CCRL2: variants seen among roughly 807,000 people sequenced by gnomAD.
CCRL2 encodes C-C chemokine receptor-like 2.
For synonymous variants in CCRL2, 181 were observed against 165.6 expected, an observed-to-expected ratio of 1.09 and a Z score of -0.71; for missense variants, 451 against 412.4, an observed-to-expected ratio of 1.09 and a Z score of -0.81.
chr3:46,407,903 C>T lies in CCRL2; in HGVS notation c.-12-165C>T, dbSNP rs1057411320. 26 of 676,456 alleles carry T rather than the reference C, an allele frequency of 3.8e-5. No homozygotes were observed. In the East Asian group the frequency reaches 6.0e-4, roughly 16 times the overall value. 41.9% of individuals were successfully genotyped at this position (676,456 alleles called of 1,614,324 possible). On this transcript the variant is annotated intron_variant, in intron 1 of 1. Transcript: ENST00000399036. ...GTGCTGCTCTGGGGAAGTGGGCACA[C>T]GTTAAAGAAATGTTTATTTCAGTCT...
At position 46,408,832 on chromosome 3, in the gene CCRL2, G is replaced by A. The variant is rs1415965485; in HGVS notation, c.753G>A (p.Trp251Ter). ...TAATGGTAGTCTTCCTTCTGATGTGGGCGCCCTACAATATTGCATTTTTCC... is the reference window on the plus strand; with the variant it reads ...TAATGGTAGTCTTCCTTCTGATGTGAGCGCCCTACAATATTGCATTTTTCC... ...FAIMVVFLLM[W>*]APYNIAFFLS... The change falls in exon 2 of 2, where the codon TGG becomes TGA. Residue 251 changes from tryptophan (W) to a stop codon, truncating the protein, a stop_gained. Transcript: ENST00000399036. LOFTEE classifies it low-confidence loss of function (END_TRUNC). The A allele has an allele frequency of 5.0e-6, 8 of 1,613,974 alleles. No homozygotes were observed. The highest frequency in any genetic ancestry group is 6.8e-6 in the Non-Finnish European group (8 of 1,180,038).
chr3:46,408,028 C>T (rs1559579237), intron 1 of CCRL2, 40 bp from the exon 2 acceptor site: 1 of 1,430,292 alleles, frequency 7.0e-7, no homozygotes, highest in East Asian at 2.5e-5. Context: ...CAGGATAAGG[C>T]AGCTGTCGGA....
Position 46,408,879 on chromosome 3 carries a change from T to C in CCRL2, c.800T>C (p.Phe267Ser). The C allele has an allele frequency of 6.2e-7, 1 of 1,614,124 alleles. No individual in the cohort carries two copies. The highest frequency in any genetic ancestry group is 2.2e-5 in the East Asian group (1 of 44,882). The change falls in exon 2 of 2, where the codon TTC (phenylalanine) becomes TCC (serine). Residue 267 changes from phenylalanine to serine, a missense_variant. Transcript: ENST00000399036. ...AFFLSTFKEHFSLSDCKSSYN... is the reference protein window; with the variant it reads ...AFFLSTFKEHSSLSDCKSSYN... Reference sequence around the variant, plus strand: ...TTCCTGTCCACTTTCAAAGAACACTTCTCCCTGAGTGACTGCAAGAGCAGC... The same window carrying C: ...TTCCTGTCCACTTTCAAAGAACACTCCTCCCTGAGTGACTGCAAGAGCAGC...
Position 46,408,096 on chromosome 3 carries a change from T to C in CCRL2, c.17T>C (p.Leu6Pro). Residue 6 changes from leucine (L) to proline (P), a missense_variant, in exon 2 of 2, where the codon CTG becomes CCG. Leu to Pro is a moderately conservative substitution (Grantham distance 98, BLOSUM62 -3). Coordinates refer to ENST00000399036, the MANE Select transcript of CCRL2 (RefSeq NM_003965.5). The part of the protein sequence containing the change: MANYT[L>P]APEDEYDVLI... ...AGTCTGAAGATGGCCAATTACACGC[T>C]GGCACCAGAGGATGAATATGATGTC... The C allele has an allele frequency of 1.3e-6, 2 of 1,582,196 alleles. No homozygotes were observed. Among genetic ancestry groups the C allele is most frequent in the South Asian group, 1.1e-5 (1 of 88,442 alleles).
chr3:46,408,972 T>C lies in CCRL2; in HGVS notation c.893T>C (p.Leu298Pro). ...ACCACCCACTGCTGCATCAACCCTC[T>C]CCTGTATGCGTTTCTTGATGGGACA... ...IATTHCCINP[L>P]LYAFLDGTFS... Residue 298 changes from leucine to proline, a missense_variant, in exon 2 of 2, where the codon CTC becomes CCC. Transcript: ENST00000399036. The C allele has an allele frequency of 1.9e-6, 3 of 1,614,142 alleles. No homozygotes were observed. The highest frequency in any genetic ancestry group is 2.5e-6 in the Non-Finnish European group (3 of 1,180,026).
At position 46,409,335 on chromosome 3, in the gene CCRL2, G is replaced by A. The variant is rs148284360; in HGVS notation, c.*221G>A. The A allele has an allele frequency of 2.6e-3, 1,464 of 555,278 alleles. 3 individuals are homozygous for A. The highest frequency in any genetic ancestry group is 3.6e-3 in the Admixed American group (103 of 28,358). The allele number at this position is 555,278 out of a possible 1,614,324, so 34.4% of individuals were successfully genotyped here. A position where few individuals can be genotyped will look rare whatever the true frequency, so the allele number is the denominator to read the frequency against. ...CTACCACTTGTCCATAGTGTGGATA[G>A]GACTAGTCTCATTTCTCTGAGAAGA... On this transcript the variant is annotated 3_prime_UTR_variant, in exon 2 of 2. Transcript: ENST00000399036.
rs1329875740 is a variant in CCRL2 at position 46,408,286 on chromosome 3, C to G, written c.207C>G (p.Leu69=). The change falls in exon 2 of 2, where the codon CTC becomes CTG. Residue 69 remains leucine (L), a synonymous_variant. Transcript: ENST00000399036. ...VVLILVKYKG[L]KRVENIYLLN... ...TTATCCTGGTAAAATATAAAGGACT[C>G]AAACGCGTGGAAAATATCTATCTTC... is the stretch of plus-strand genomic sequence containing the variant. 2 of 1,614,194 alleles carry G rather than the reference C, an allele frequency of 1.2e-6. No individual in the cohort carries two copies. Among genetic ancestry groups the G allele is most frequent in the Admixed American group, 3.3e-5 (2 of 60,034 alleles).
In CCRL2 at chr3:46,408,845, A is replaced by G. The variant is rs746011785; in HGVS notation, c.766A>G (p.Ile256Val). ...VFLLMWAPYN[I>V]AFFLSTFKEH... ...CCTTCTGATGTGGGCGCCCTACAAT[A>G]TTGCATTTTTCCTGTCCACTTTCAA... The change falls in exon 2 of 2, where the codon ATT becomes GTT. Residue 256 changes from isoleucine to valine, a missense_variant. By Grantham distance (29) the Ile-to-Val change is conservative. Coordinates refer to ENST00000399036, the MANE Select transcript of CCRL2 (RefSeq NM_003965.5). 6 of 1,614,024 alleles carry G rather than the reference A, an allele frequency of 3.7e-6. No homozygotes were observed. The highest frequency in any genetic ancestry group is 1.1e-5 in the South Asian group (1 of 91,090).
Position 46,408,619 on chromosome 3 carries a change from G to A in CCRL2, c.540G>A (p.Lys180=). 2.5e-6 allele frequency: 4 copies of A among 1,614,184 alleles called. No homozygotes were observed. Among genetic ancestry groups the A allele is most frequent in the Non-Finnish European group, 3.4e-6 (4 of 1,180,044 alleles). The change falls in exon 2 of 2, where the codon AAG becomes AAA. Residue 180 remains lysine (K), a synonymous_variant. Coordinates refer to ENST00000399036, the MANE Select transcript of CCRL2 (RefSeq NM_003965.5). ...YKPQMEDQKY[K]CAFSRTPFLP... ...CTCAGATGGAAGACCAGAAATACAA[G>A]TGTGCATTTAGCAGAACTCCCTTCC... is the stretch of plus-strand genomic sequence containing the variant.
At position 46,408,137 on chromosome 3, in the gene CCRL2, C is replaced by T; in HGVS notation, c.58C>T (p.Leu20=). 4.4e-6 allele frequency: 7 copies of T among 1,606,756 alleles called. No homozygotes were observed. The highest frequency in any genetic ancestry group is 6.0e-6 in the Non-Finnish European group (7 of 1,176,260). Residue 20 remains leucine (L), a synonymous_variant, in exon 2 of 2, where the codon CTG becomes TTG. Transcript: ENST00000399036. ...DEYDVLIEGE[L]ESDEAEQCDK... is the part of the protein sequence containing the mutation. The stretch of plus-strand genomic sequence containing the variant: ...ATATGATGTCCTCATAGAAGGTGAA[C>T]TGGAGAGCGATGAGGCAGAGCAATG...
chr3:46,409,264 T>C lies in CCRL2; in HGVS notation c.*150T>C, dbSNP rs1266752947. 1.7e-5 allele frequency: 13 copies of C among 757,822 alleles called. No homozygotes were observed. Among genetic ancestry groups the C allele is most frequent in the Non-Finnish European group, 6.5e-6 (3 of 462,968 alleles). 46.9% of individuals were successfully genotyped at this position (757,822 alleles called of 1,614,324 possible). A position where few individuals can be genotyped will look rare whatever the true frequency, so the allele number is the denominator to read the frequency against. On this transcript the variant is annotated 3_prime_UTR_variant, in exon 2 of 2. Coordinates refer to ENST00000399036, the MANE Select transcript of CCRL2 (RefSeq NM_003965.5). ...ACATTTGCTAAGCACTGAATTTGTCTCAGGCACCGTGCAAGGCTCTTTACA... is the reference window on the plus strand; with the variant it reads ...ACATTTGCTAAGCACTGAATTTGTCCCAGGCACCGTGCAAGGCTCTTTACA...
rs1702100797 is a variant in CCRL2 at position 46,409,024 on chromosome 3, C to T, written c.945C>T (p.Phe315=). 6.2e-7 allele frequency: 1 copy of T among 1,614,194 alleles called. No individual in the cohort carries two copies. The highest frequency in any genetic ancestry group is 8.5e-7 in the Non-Finnish European group (1 of 1,180,032). The change falls in exon 2 of 2, where the codon TTC becomes TTT. Residue 315 remains phenylalanine, a synonymous_variant. Transcript: ENST00000399036. ...TTAGCAAATACCTCTGCCGCTGTTTCCATCTGCGTAGTAACACCCCACTTC... is the reference window on the plus strand; with the variant it reads ...TTAGCAAATACCTCTGCCGCTGTTTTCATCTGCGTAGTAACACCCCACTTC... ...GTFSKYLCRC[F]HLRSNTPLQP...
At position 46,408,716 on chromosome 3, in the gene CCRL2, C is replaced by G; in HGVS notation, c.637C>G (p.Leu213Val). 1 of 1,614,134 alleles carries G rather than the reference C, an allele frequency of 6.2e-7. No individual in the cohort carries two copies. The highest frequency in any genetic ancestry group is 8.5e-7 in the Non-Finnish European group (1 of 1,180,022). Residue 213 changes from leucine (L) to valine (V), a missense_variant, in exon 2 of 2, where the codon CTA (leucine) becomes GTA (valine). Coordinates refer to ENST00000399036, the MANE Select transcript of CCRL2 (RefSeq NM_003965.5). ...GAACATTTCGGTTCTTGTCCTCCCC[C>G]TATTTATTTTTACATTTCTCTATGT... ...KMNISVLVLP[L>V]FIFTFLYVQM...
chr3:46,408,230 A>T lies in CCRL2; in HGVS notation c.151A>T (p.Ile51Phe), dbSNP rs1234577872. 1.2e-6 allele frequency: 2 copies of T among 1,614,194 alleles called. No homozygotes were observed. The highest frequency in any genetic ancestry group is 8.5e-7 in the Non-Finnish European group (1 of 1,180,036). Residue 51 changes from isoleucine to phenylalanine, a missense_variant, in exon 2 of 2, where the codon ATC becomes TTC. Ile to Phe is a conservative substitution (Grantham distance 21). Transcript: ENST00000399036. ...VPSLCSAVFV[I>F]GVLDNLLVVL... ...ATCACTCTGCTCTGCTGTGTTTGTG[A>T]TCGGTGTCCTGGACAATCTCCTGGT...
At position 46,408,811 on chromosome 3, in the gene CCRL2, G is replaced by A. The variant is rs776310116; in HGVS notation, c.732G>A (p.Met244Ile). The A allele has an allele frequency of 2.6e-5, 42 of 1,614,182 alleles. No homozygotes were observed. The highest frequency in any genetic ancestry group is 1.6e-4 in the Middle Eastern group (1 of 6,062). Reference protein sequence around the residue: ...YSLFKLVFAIMVVFLLMWAPY... With the variant: ...YSLFKLVFAIIVVFLLMWAPY... ...TTTTCAAGCTTGTTTTTGCCATAATGGTAGTCTTCCTTCTGATGTGGGCGC... is the reference window on the plus strand; with the variant it reads ...TTTTCAAGCTTGTTTTTGCCATAATAGTAGTCTTCCTTCTGATGTGGGCGC... The change falls in exon 2 of 2, where the codon ATG (methionine) becomes ATA (isoleucine). Residue 244 changes from methionine (M) to isoleucine (I), a missense_variant. Physicochemically the swap from Met to Ile is conservative, Grantham distance 10. Transcript: ENST00000399036.
At chr3:46,407,704 C>A in intron 1 of CCRL2, 2 of 1,536,074 alleles carry the variant, frequency 1.3e-6, no homozygotes, top group South Asian at 1.2e-5. Flanking sequence ...AGTAAGCCAT[C>A]GTACTTGGTT....
rs781703263 is a variant in CCRL2, at chr3:46,409,064, T to C, written c.985T>C (p.Ser329Pro). 9 of 1,614,150 alleles carry C rather than the reference T, an allele frequency of 5.6e-6. No homozygotes were observed. The highest frequency in any genetic ancestry group is 6.8e-6 in the Non-Finnish European group (8 of 1,180,016). ...CACCCCACTTCAACCCAGGGGGCAG[T>C]CTGCACAAGGCACATCGAGGGAAGA... ...SNTPLQPRGQ[S>P]AQGTSREEPD... The change falls in exon 2 of 2, where the codon TCT (serine) becomes CCT (proline). Residue 329 changes from serine to proline, a missense_variant. Physicochemically the swap from Ser to Pro is moderately conservative, Grantham distance 74. Coordinates refer to ENST00000399036, the MANE Select transcript of CCRL2 (RefSeq NM_003965.5).
In CCRL2 at chr3:46,408,462, G is replaced by C. The variant is rs757681424; in HGVS notation, c.383G>C (p.Arg128Thr). 1 of 1,614,210 alleles carries C rather than the reference G, an allele frequency of 6.2e-7. No homozygotes were observed. The highest frequency in any genetic ancestry group is 8.5e-7 in the Non-Finnish European group (1 of 1,180,048). Residue 128 changes from arginine (R) to threonine (T), a missense_variant, in exon 2 of 2, where the codon AGG (arginine) becomes ACG (threonine). Transcript: ENST00000399036. ...TFFNCLLTVQ[R>T]YLVFLHKGNF... is the part of the protein sequence containing the mutation. ...TTCAATTGCCTTCTGACTGTGCAAA[G>C]GTACCTAGTGTTTTTGCACAAGGGA...
chr3:46,409,334 A>G lies in CCRL2; in HGVS notation c.*220A>G, dbSNP rs1702108549. Reference sequence around the variant, plus strand: ...CCTACCACTTGTCCATAGTGTGGATAGGACTAGTCTCATTTCTCTGAGAAG... The same window carrying G: ...CCTACCACTTGTCCATAGTGTGGATGGGACTAGTCTCATTTCTCTGAGAAG... On this transcript the variant is annotated 3_prime_UTR_variant, in exon 2 of 2. Coordinates refer to ENST00000399036, the MANE Select transcript of CCRL2 (RefSeq NM_003965.5). 5.4e-6 allele frequency: 3 copies of G among 559,482 alleles called. No individual in the cohort carries two copies. Among genetic ancestry groups the G allele is most frequent in the Non-Finnish European group, 9.7e-6 (3 of 309,046 alleles). The allele number at this position is 559,482 out of a possible 1,614,324, so 34.7% of individuals were successfully genotyped here.
Sources: gnomAD v4.1 joint callset for allele counts on GRCh38, gnomAD v4.1.1 for gene constraint, MANE v1.5 for transcripts, NCBI Gene and HGNC (gene_info 2026-07-23, HGNC 2026-07-21) for gene names.